SOBP: variants seen among roughly 807,000 people sequenced by gnomAD.
SOBP encodes the protein sine oculis-binding protein homolog.
Under a neutral mutation model 53.6 loss-of-function variants are expected in SOBP, and 4 were observed. That is an observed-to-expected ratio of 0.07 (90% confidence interval 0.04 to 0.17). SOBP has a LOEUF of 0.17. SOBP is among the 10% of genes least tolerant of loss of function. The pLI is 1.00. For missense variants in SOBP, 1,088 were observed against 1,204.7 expected, an observed-to-expected ratio of 0.90 and a Z score of 1.43; for synonymous variants, 584 against 522.6, an observed-to-expected ratio of 1.12 and a Z score of -1.60.
intron 6 of SOBP, among the ~76,000 whole-genome samples, chr6:107,649,427 T>C (rs1412538632): frequency 6.6e-6 from 1 of 151,608 alleles, no homozygotes; most frequent in Non-Finnish European, 1.5e-5. Context: ...CAGTGAGCCA[T>C]GATGGTGCCA....
At chr6:107,576,931 G>A (rs185710772) in intron 4 of SOBP, among the ~76,000 whole-genome samples, 1 of 152,224 alleles carries the variant, frequency 6.6e-6, no homozygotes. Flanking sequence ...TCTTTGATAA[G>A]TATTGCTGTT....
intron 6 of SOBP, among the ~76,000 whole-genome samples, chr6:107,656,319 GAAAGAAAGAAAGAAAGAAAGAAAGAGAA>G (rs1270180441): frequency 1.6e-4 from 2 of 12,424 alleles, no homozygotes; most frequent in African/African-American, 5.7e-4. Context: ...AAGAAAGAAA[GAAAGAAAGAAAGAAAGAAAGAAAGAGAA>G]AGAAAGAAAG....
chr6:107,515,643 G>C (rs894169924), intron 3 of SOBP, among the ~76,000 whole-genome samples: 8 of 152,164 alleles, frequency 5.3e-5, no homozygotes, highest in African/African-American at 1.9e-4. Context: ...CAGATACTTG[G>C]GAGGCTGAGG....
chr6:107,635,049 T>C lies in SOBP; in HGVS notation c.2205T>C (p.Ala735=), dbSNP rs1299674522. 5.5e-6 allele frequency: 8 copies of C among 1,464,360 alleles called. No individual in the cohort carries two copies. Among genetic ancestry groups the C allele is most frequent in the African/African-American group, 1.5e-5 (1 of 67,632 alleles). 90.7% of individuals were successfully genotyped at this position (1,464,360 alleles called of 1,614,324 possible). The stretch of plus-strand genomic sequence containing the variant: ...CGCGCGGCGCCGCCGCCGAGGGCGC[T>C]AAGAGCGCGGAGCCGCCTCCCGAGC... ...NGTRGAAAEG[A]KSAEPPPEQP... Residue 735 remains alanine, a synonymous_variant, in exon 6 of 7, where the codon GCT becomes GCC. Transcript: ENST00000317357. The surrounding 1 kb of genome is among the most constrained non-coding windows in gnomAD (Gnocchi z 4.5).
At chr6:107,547,628 A>G (rs1784338174) in intron 4 of SOBP, among the ~76,000 whole-genome samples, 1 of 152,224 alleles carries the variant, frequency 6.6e-6, no homozygotes, top group South Asian at 2.1e-4. Context: ...GAATTGGTAA[A>G]TGTAAATGTA....
At chr6:107,519,503 G>T (rs1050931780) in intron 3 of SOBP, among the ~76,000 whole-genome samples, 3 of 152,144 alleles carry the variant, frequency 2.0e-5, no homozygotes, top group African/African-American at 7.2e-5. Flanking sequence ...CATTCTGAAA[G>T]TTACTTGCCT....
intron 5 of SOBP, 128 bp from the exon 6 acceptor site, chr6:107,633,386 G>T: frequency 8.5e-7 from 1 of 1,177,554 alleles, no homozygotes; most frequent in Non-Finnish European, 1.3e-6. Context: ...CTTTTAGAAG[G>T]AAACAGTTCT....
intron 1 of SOBP, among the ~76,000 whole-genome samples, chr6:107,501,353 A>G (rs1782839989): frequency 6.6e-6 from 1 of 152,336 alleles, no homozygotes; most frequent in East Asian, 1.9e-4. Context: ...AAACAAATCT[A>G]TATCCTTGGC....
chr6:107,507,222 C>T (rs1783022286), intron 3 of SOBP, among the ~76,000 whole-genome samples: 1 of 152,118 alleles, frequency 6.6e-6, no homozygotes, highest in Non-Finnish European at 1.5e-5. Flanking sequence ...TTAGAGAAAC[C>T]ACCTAGATTA....
At chr6:107,650,317 T>C (rs1771750899) in intron 6 of SOBP, among the ~76,000 whole-genome samples, 1 of 152,218 alleles carries the variant, frequency 6.6e-6, no homozygotes. Flanking sequence ...TACCATGAGC[T>C]ATAGACTCGA....
intron 4 of SOBP, among the ~76,000 whole-genome samples, chr6:107,540,751 C>G (rs1278066519): frequency 6.6e-6 from 1 of 152,126 alleles, no homozygotes; most frequent in African/African-American, 2.4e-5. Flanking sequence ...AAGTCCATGT[C>G]CAGCAGTCAC....
chr6:107,521,912 ACACAC>A (rs2114971950), intron 3 of SOBP, among the ~76,000 whole-genome samples: 1 of 8,946 alleles, frequency 1.1e-4, no homozygotes, highest in East Asian at 1.8e-3. Context: ...ACATTAAAAC[ACACAC>A]ACACACACAC....
At chr6:107,544,629 A>T (rs560362579) in intron 4 of SOBP, among the ~76,000 whole-genome samples, 1 of 152,314 alleles carries the variant, frequency 6.6e-6, no homozygotes, top group Non-Finnish European at 1.5e-5. Flanking sequence ...AGAGAGAAGG[A>T]AGAGCTTATT....
intron 4 of SOBP, among the ~76,000 whole-genome samples, chr6:107,571,469 C>A (rs375587156): frequency 2.3e-4 from 35 of 152,206 alleles, no homozygotes; most frequent in East Asian, 9.6e-4. Context: ...AGGAGAAGCC[C>A]AGTCGGAGCC....
At chr6:107,505,619 A>T (rs1470137408) in intron 2 of SOBP, among the ~76,000 whole-genome samples, 1 of 150,800 alleles carries the variant, frequency 6.6e-6, no homozygotes, top group Non-Finnish European at 1.5e-5. Context: ...CACTGCGCCT[A>T]GTCACCTCTC....
intron 6 of SOBP, among the ~76,000 whole-genome samples, chr6:107,653,974 G>A (rs1266142590): frequency 6.6e-6 from 1 of 152,206 alleles, no homozygotes; most frequent in Non-Finnish European, 1.5e-5. Context: ...TAATTCTCTG[G>A]AAAATTTTGT....
intron 3 of SOBP, among the ~76,000 whole-genome samples, chr6:107,525,625 A>G (rs963868149): frequency 1.3e-5 from 2 of 152,234 alleles, no homozygotes. Context: ...TGGATTCGCA[A>G]CATTTCTACC....
At chr6:107,515,774 T>C (rs1181193602) in intron 3 of SOBP, among the ~76,000 whole-genome samples, 1 of 152,168 alleles carries the variant, frequency 6.6e-6, no homozygotes, top group Admixed American at 6.6e-5. Flanking sequence ...GGAAAACTTC[T>C]GTTCATCATG....
intron 5 of SOBP, among the ~76,000 whole-genome samples, chr6:107,603,839 A>T (rs1191223939): frequency 2.6e-5 from 4 of 152,150 alleles, no homozygotes; most frequent in Admixed American, 1.3e-4. Flanking sequence ...CCCTGCAATA[A>T]TGTTCAGAAA....
Sources: gnomAD v4.1 joint callset for allele counts (sites outside exome capture counted in the v4.1 genomes callset) on GRCh38, gnomAD v4.1.1 for gene constraint, Gnocchi (gnomAD v3.1) non-coding constraint, MANE v1.5 for transcripts, NCBI Gene and HGNC (gene_info 2026-07-23, HGNC 2026-07-21) for gene names.